The following SLC25A26 variants were observed in gnomAD, a reference collection of about 807,000 sequenced individuals.
SLC25A26 encodes the protein solute carrier family 25 member 26, also known as mitochondrial S-adenosylmethionine carrier protein.
SLC25A26 carries 36 observed loss-of-function variants against 37.8 expected under a neutral mutation model. That is an observed-to-expected ratio of 0.95 (90% CI 0.73 to 1.26). SLC25A26 has a LOEUF of 1.26. Among genes scored for constraint, SLC25A26 ranks in the 50% most tolerant of loss-of-function variants. The probability of loss-of-function intolerance (pLI) is 0.00; values close to 1 mark genes in which losing one functional copy is unlikely to be tolerated. For synonymous variants in SLC25A26, 129 were observed against 122.5 expected (o/e 1.05, Z -0.35); for missense variants, 390 against 331.1 (o/e 1.18, Z -1.38).
At chr3:66,353,270 C>T (rs959797855) in intron 6 of SLC25A26, among the ~76,000 whole-genome samples, 2 of 152,168 alleles carry the variant, frequency 1.3e-5, no homozygotes, top group East Asian at 3.9e-4. Flanking sequence ...GAACAGCCAA[C>T]ATTTTTCAAA....
At chr3:66,337,972 G>A (rs62243211) in intron 5 of SLC25A26, among the ~76,000 whole-genome samples, 112 of 151,946 alleles carry the variant, frequency 7.4e-4, no homozygotes, top group Non-Finnish European at 1.4e-3. Flanking sequence ...ATGTATAGTC[G>A]TGTAATCCCC....
At chr3:66,290,399 C>G (rs2074664901) in intron 5 of SLC25A26, among the ~76,000 whole-genome samples, 1 of 152,126 alleles carries the variant, frequency 6.6e-6, no homozygotes, top group Non-Finnish European at 1.5e-5. Flanking sequence ...TGTCAGTTTT[C>G]AAAGGGAATG....
intron 5 of SLC25A26, among the ~76,000 whole-genome samples, chr3:66,279,821 C>G (rs1314773255): frequency 2.0e-5 from 3 of 152,174 alleles, no homozygotes; most frequent in African/African-American, 7.2e-5. Context: ...TCTTGATCCA[C>G]GTATTGTAAG....
intron 5 of SLC25A26, among the ~76,000 whole-genome samples, chr3:66,319,736 A>G (rs1014912348): frequency 6.7e-6 from 1 of 148,246 alleles, no homozygotes; most frequent in African/African-American, 2.5e-5. Flanking sequence ...CTGTGACAGC[A>G]ATTAAATCTT....
intron 5 of SLC25A26, among the ~76,000 whole-genome samples, chr3:66,312,074 T>A (rs563747121): frequency 6.6e-6 from 1 of 152,332 alleles, no homozygotes; most frequent in Admixed American, 6.5e-5. Context: ...CAGTTAAGTC[T>A]GCTGAAGCTG....
chr3:66,142,752 C>G (rs1223326917), intron 1 of SLC25A26, among the ~76,000 whole-genome samples: 1 of 152,024 alleles, frequency 6.6e-6, no homozygotes, highest in Non-Finnish European at 1.5e-5. Context: ...GTATGCTATT[C>G]TCTTGTTAAG....
chr3:66,362,865 C>T lies in SLC25A26; in HGVS notation c.504C>T (p.Leu168=). ...QFPLWESLKA[L]WSWRQDHVVD... ...TTCTTTCTCCTTAAACACAGGCCCT[C>T]TGGTCCTGGAGGCAGGATCATGTGG... The change falls in exon 7 of 10, where the codon CTC becomes CTT. Residue 168 remains leucine (L), a synonymous_variant. Coordinates refer to ENST00000354883, the MANE Select transcript of SLC25A26 (RefSeq NM_001379210.1). 1 of 1,599,784 alleles carries T rather than the reference C, an allele frequency of 6.3e-7. No individual in the cohort carries two copies. The highest frequency in any genetic ancestry group is 8.5e-7 in the Non-Finnish European group (1 of 1,173,220).
chr3:66,261,778 G>A (rs577877959), intron 3 of SLC25A26: 3 of 271,888 alleles, frequency 1.1e-5, no homozygotes, highest in East Asian at 8.8e-5. Context: ...GCTTCTTGCC[G>A]TTGGGAGGCT....
intron 1 of SLC25A26, among the ~76,000 whole-genome samples, chr3:66,199,677 C>T (rs1193600447): frequency 6.6e-6 from 1 of 152,150 alleles, no homozygotes; most frequent in Non-Finnish European, 1.5e-5. Context: ...CTTCACTGGC[C>T]TCAACTTCAT....
intron 1 of SLC25A26, among the ~76,000 whole-genome samples, chr3:66,137,124 C>T (rs2069957530): frequency 6.6e-6 from 1 of 152,004 alleles, no homozygotes; most frequent in African/African-American, 2.4e-5. Flanking sequence ...TTTCCTGCCA[C>T]CTTTTCCACC....
intron 3 of SLC25A26, among the ~76,000 whole-genome samples, chr3:66,248,920 A>G (rs929989576): frequency 1.3e-5 from 2 of 152,162 alleles, no homozygotes; most frequent in African/African-American, 4.8e-5. Flanking sequence ...CAATCTCTAG[A>G]TGATTGTGCA....
intron 1 of SLC25A26, among the ~76,000 whole-genome samples, chr3:66,210,976 A>C (rs1687834996): frequency 6.6e-6 from 1 of 152,238 alleles, no homozygotes; most frequent in Non-Finnish European, 1.5e-5. Context: ...AATAGCACAG[A>C]ACTAAAAATT....
At chr3:66,175,142 C>CT (rs1559561015) in intron 1 of SLC25A26, among the ~76,000 whole-genome samples, 5 of 74,094 alleles carry the variant, frequency 6.7e-5, no homozygotes, top group African/African-American at 3.0e-4. Flanking sequence ...TATATATATA[C>CT]ACACACACAC....
rs140523235 is a variant in SLC25A26, at chr3:66,226,631, A to T, written c.33+5504A>T. Among the ~76,000 whole-genome samples the T allele has an allele frequency of 5.8e-3, 887 of 151,968 alleles. 5 individuals are homozygous for T. Among genetic ancestry groups the T allele is most frequent in the African/African-American group, 0.019 (806 of 41,448 alleles). ...CGCCTGGCTAATTTTTTAATTAAAA[A>T]TTTTCTTGTTTTGTAGAGACAGGGT... On this transcript the variant is annotated intron_variant, in intron 1 of 9. Coordinates refer to ENST00000354883, the MANE Select transcript of SLC25A26 (RefSeq NM_001379210.1).
chr3:66,188,316 C>A (rs2070869781), intron 1 of SLC25A26, among the ~76,000 whole-genome samples: 1 of 152,148 alleles, frequency 6.6e-6, no homozygotes, highest in South Asian at 2.1e-4. Context: ...AGTTTGTCTC[C>A]TCCAAACCTC....
At chr3:66,296,330 T>G (rs1292227605) in intron 5 of SLC25A26, among the ~76,000 whole-genome samples, 2 of 152,226 alleles carry the variant, frequency 1.3e-5, no homozygotes, top group African/African-American at 4.8e-5. Context: ...TGCTTTTCCA[T>G]GCATGGTTTA....
At chr3:66,154,388 G>A (rs1053210923) in intron 1 of SLC25A26, among the ~76,000 whole-genome samples, 1 of 152,078 alleles carries the variant, frequency 6.6e-6, no homozygotes, top group African/African-American at 2.4e-5. Context: ...TTTCTGCAGG[G>A]TTGTACGATG....
chr3:66,298,082 T>G (rs2074962954), intron 5 of SLC25A26, among the ~76,000 whole-genome samples: 1 of 152,204 alleles, frequency 6.6e-6, no homozygotes, highest in African/African-American at 2.4e-5. Context: ...AAGTCCCCAC[T>G]TGAGATCTTC....
chr3:66,172,933 G>A (rs563163142), intron 1 of SLC25A26, among the ~76,000 whole-genome samples: 32 of 152,232 alleles, frequency 2.1e-4, no homozygotes, highest in Admixed American at 1.4e-3. Flanking sequence ...ACAAGGAACC[G>A]ATTTCCAAAT....
Sources: gnomAD v4.1 joint callset for allele counts (sites outside exome capture counted in the v4.1 genomes callset) on GRCh38, gnomAD v4.1.1 for gene constraint, MANE v1.5 for transcripts, NCBI Gene and HGNC (gene_info 2026-07-23, HGNC 2026-07-21) for gene names.